The following GPSM1 variants were observed in gnomAD, a reference collection of about 807,000 sequenced individuals.
The protein encoded by GPSM1 is G protein-signaling modulator 1.
Under a neutral mutation model 70.5 loss-of-function variants are expected in GPSM1, and 48 were observed. The ratio of observed to expected loss-of-function variants is 0.68; its 90% confidence interval spans 0.54 to 0.87. The LOEUF (loss-of-function observed/expected upper bound fraction) is 0.87, where lower values mean the gene tolerates loss of function less well. Among genes scored for constraint, GPSM1 ranks in the 40% least tolerant of loss-of-function variants. The pLI is 0.00. For synonymous variants in GPSM1, 416 were observed against 430.1 expected (o/e 0.97, Z 0.41); for missense variants, 981 against 972.6 (o/e 1.01, Z -0.11).
In GPSM1 at chr9:136,358,057, T is replaced by C. The variant is rs555630848; in HGVS notation, c.1865T>C (p.Leu622Pro). Residue 622 changes from leucine to proline, a missense_variant, in exon 14 of 14, where the codon CTG (leucine) becomes CCG (proline). Physicochemically the swap from Leu to Pro is moderately conservative, Grantham distance 98. Transcript: ENST00000440944. ...DDQRCPPPDV[L>P]PRGPTMPDED... ...CAGCGCTGCCCGCCACCTGACGTAC[T>C]GCCCCGGGGCCCTACCATGCCGGAC... is the stretch of plus-strand genomic sequence containing the variant. The C allele has an allele frequency of 8.1e-5, 130 of 1,612,772 alleles. 1 individual carries two copies. The East Asian group carries it at 2.9e-3, about 36-fold the overall frequency.
In GPSM1 at chr9:136,327,993, G is replaced by A. The variant is rs1365005875; in HGVS notation, c.68+230G>A. ...GGGGAAGGGGGTGGGGGGCCGGGGG[G>A]CTGGAGGCGGGGTGGGCAGCTTCTC... On this transcript the variant is annotated intron_variant, in intron 1 of 13. Transcript: ENST00000440944. Among the ~76,000 whole-genome samples the A allele has an allele frequency of 7.2e-5, 11 of 151,810 alleles. No homozygotes were observed. In the East Asian group the frequency reaches 2.0e-3, roughly 27 times the overall value.
At position 136,340,876 on chromosome 9, in the gene GPSM1, G is replaced by A; in HGVS notation, c.1090G>A (p.Asp364Asn). Residue 364 changes from aspartate to asparagine, a missense_variant, in exon 9 of 14, where the codon GAC (aspartate) becomes AAC (asparagine). Physicochemically the swap from Asp to Asn is conservative, Grantham distance 23. Transcript: ENST00000440944. This position sits in a 1 kb window ranked among gnomAD's most constrained non-coding sequence, Gnocchi z 7.3. ...GCCACCCCACTCGCCGCAGATCGGG[G>A]ACCGCCATGGGGAGCTCACGGCCCG... is the stretch of plus-strand genomic sequence containing the variant. ...KHLQISQEIG[D>N]RHGELTARMN... The A allele has an allele frequency of 1.3e-6, 2 of 1,572,602 alleles. No individual in the cohort carries two copies. Among genetic ancestry groups the A allele is most frequent in the South Asian group, 1.2e-5 (1 of 85,890 alleles).
At chr9:136,338,471 C>T (rs935784640) in intron 6 of GPSM1, 84 bp from the exon 7 acceptor site, 67 of 1,335,094 alleles carry the variant, frequency 5.0e-5, no homozygotes, top group Non-Finnish European at 6.5e-5. Context: ...AGGGGACCAT[C>T]GGGCAGACTG....
chr9:136,344,199 C>T (rs1198207558), intron 9 of GPSM1, among the ~76,000 whole-genome samples: 3 of 82,284 alleles, frequency 3.6e-5, no homozygotes, highest in African/African-American at 4.8e-5. Flanking sequence ...GGGGGAGGCG[C>T]GGACAGGAGC....
rs1832831275 is a variant in GPSM1 at position 136,356,501 on chromosome 9, A to G, written c.1772A>G (p.Glu591Gly). 1.9e-6 allele frequency: 3 copies of G among 1,611,512 alleles called. No homozygotes were observed. In the Admixed American group the frequency reaches 5.0e-5, roughly 27 times the overall value. Residue 591 changes from glutamate to glycine, a missense_variant, in exon 13 of 14, where the codon GAG becomes GGG. Transcript: ENST00000440944. ...GCAGGGCACCTCCGAGGCCACGGCG[A>G]GCCCCAGGAGCCGGGGGACGACTTC... is the stretch of plus-strand genomic sequence containing the variant. ...SNAGHLRGHG[E>G]PQEPGDDFFN...
At chr9:136,339,620 G>A in intron 7 of GPSM1, 87 bp from the exon 8 acceptor site, 1 of 921,002 alleles carries the variant, frequency 1.1e-6, no homozygotes, top group East Asian at 2.7e-5. Flanking sequence ...CCAGGGTCAT[G>A]CTGGGGCCGT....
Position 136,340,968 on chromosome 9 carries a change from TG to T in GPSM1, c.1183del (p.Asp395ThrfsTer18). Reference sequence around the variant, plus strand: ...CCAGCCCGGCAGCCTCAGAGAAGCCTGACCTGGCCGGCTATGAGGCCCAGGG... The same window carrying T: ...CCAGCCCGGCAGCCTCAGAGAAGCCTACCTGGCCGGCTATGAGGCCCAGGG... ...LTSPAASEKP[D>X]LAGYEAQGAR... On this transcript the variant is annotated frameshift_variant, in exon 9 of 14. Transcript: ENST00000440944. LOFTEE classifies it high-confidence loss of function. The surrounding 1 kb of genome is among the most constrained non-coding windows in gnomAD (Gnocchi z 7.3). The T allele has an allele frequency of 6.4e-7, 1 of 1,563,764 alleles. No homozygotes were observed. Among genetic ancestry groups the T allele is most frequent in the Non-Finnish European group, 8.7e-7 (1 of 1,154,706 alleles).
chr9:136,336,802 G>A, intron 3 of GPSM1, 119 bp from the exon 4 acceptor site: 1 of 1,010,566 alleles, frequency 9.9e-7, no homozygotes, highest in African/African-American at 1.6e-5. Flanking sequence ...GTGACTCAGT[G>A]GGAGCCCCCA....
chr9:136,344,509 A>AG (rs1395015190), intron 9 of GPSM1, among the ~76,000 whole-genome samples: 1 of 152,156 alleles, frequency 6.6e-6, no homozygotes, highest in Admixed American at 6.5e-5. Context: ...GCGAGGAAGA[A>AG]GGGGGAGCTT....
intron 12 of GPSM1, 149 bp from the exon 13 acceptor site, chr9:136,356,193 C>G (rs1023837554): frequency 4.5e-6 from 3 of 665,894 alleles, no homozygotes; most frequent in Admixed American, 3.1e-5. Context: ...CTGCCTAGGC[C>G]GGTCAGCGGA....
At chr9:136,357,431 G>A (rs1286268279) in intron 13 of GPSM1, among the ~76,000 whole-genome samples, 5 of 152,152 alleles carry the variant, frequency 3.3e-5, no homozygotes, top group South Asian at 2.1e-4. Context: ...GCATGCCTGC[G>A]CCAGCTCCCG....
chr9:136,328,027 C>T (rs1388147747), intron 1 of GPSM1, among the ~76,000 whole-genome samples: 1 of 152,160 alleles, frequency 6.6e-6, no homozygotes, highest in African/African-American at 2.4e-5. Flanking sequence ...TCCAGCCTCA[C>T]TCCCCTGGCA....
In GPSM1 at chr9:136,341,348, C is replaced by T. The variant is rs182200581; in HGVS notation, c.1207+355C>T. ...CAAGTAGGAGAGGGCTGCTGGGAGG[C>T]GAGAGGGCATCAGCCAGAGGGCTGG... On this transcript the variant is annotated intron_variant, in intron 9 of 13. Coordinates refer to ENST00000440944, the MANE Select transcript of GPSM1 (RefSeq NM_001145638.3). This position sits in a 1 kb window ranked among gnomAD's most constrained non-coding sequence, Gnocchi z 6.7. 148 of 1,431,488 alleles carry T rather than the reference C, an allele frequency of 1.0e-4. No homozygotes were observed. The East Asian group carries it at 2.4e-3, about 23-fold the overall frequency. 88.7% of individuals were successfully genotyped at this position (1,431,488 alleles called of 1,614,324 possible). A position where few individuals can be genotyped will look rare whatever the true frequency, so the allele number is the denominator to read the frequency against.
chr9:136,337,714 T>C, intron 5 of GPSM1, 132 bp from the exon 6 acceptor site: 1 of 983,252 alleles, frequency 1.0e-6, no homozygotes, highest in Non-Finnish European at 1.6e-6. Flanking sequence ...CACTTGGTCC[T>C]GCAGCTGCTA....
Position 136,337,919 on chromosome 9 carries a change from A to G in GPSM1, c.776A>G (p.His259Arg), listed in dbSNP as rs201118647. The change falls in exon 6 of 14, where the codon CAC becomes CGC. Residue 259 changes from histidine (H) to arginine (R), a missense_variant. Coordinates refer to ENST00000440944, the MANE Select transcript of GPSM1 (RefSeq NM_001145638.3). ...RRAYSNLGNA[H>R]VFLGRFDVAA... ...GCCTACAGCAACCTGGGGAACGCCC[A>G]CGTCTTCCTGGGGCGCTTTGACGTG... 1.9e-6 allele frequency: 3 copies of G among 1,612,570 alleles called. No homozygotes were observed. The highest frequency in any genetic ancestry group is 1.7e-6 in the Non-Finnish European group (2 of 1,179,752).
rs532502232 is a variant in GPSM1, at chr9:136,359,213, T to C, written c.*993T>C. 430 of 152,522 alleles carry C rather than the reference T, an allele frequency of 2.8e-3. 1 individual carries two copies. The highest frequency in any genetic ancestry group is 4.8e-3 in the Non-Finnish European group (326 of 68,158). The allele number at this position is 152,522 out of a possible 1,614,324, so 9.4% of individuals were successfully genotyped here. On this transcript the variant is annotated 3_prime_UTR_variant, in exon 14 of 14. Coordinates refer to ENST00000440944, the MANE Select transcript of GPSM1 (RefSeq NM_001145638.3). Reference sequence around the variant, plus strand: ...TGGCAGGACCTGCTGGAGCCTGAGATGGGCCCCAGGGGCCTGAGGTTGCCT... The same window carrying C: ...TGGCAGGACCTGCTGGAGCCTGAGACGGGCCCCAGGGGCCTGAGGTTGCCT...
rs548890680 is a variant in GPSM1 at position 136,356,611 on chromosome 9, G to A, written c.1821+61G>A. The A allele has an allele frequency of 6.1e-6, 8 of 1,306,370 alleles. No homozygotes were observed. In the Admixed American group the frequency reaches 1.0e-4, roughly 16 times the overall value. The allele number at this position is 1,306,370 out of a possible 1,614,324, so 80.9% of individuals were successfully genotyped here. On this transcript the variant is annotated intron_variant, in intron 13 of 13. Transcript: ENST00000440944. The stretch of plus-strand genomic sequence containing the variant: ...CCCTTTGCCATCCACGTGTGTGGAG[G>A]CAACTTGTGTCCTGAGGGGTGAGGT...
chr9:136,357,258 G>A (rs556195585), intron 13 of GPSM1, among the ~76,000 whole-genome samples: 70 of 152,306 alleles, frequency 4.6e-4, no homozygotes, highest in African/African-American at 1.6e-3. Context: ...TTGGGAACAG[G>A]CTGGGGGTGG....
chr9:136,336,600 G>A (rs1189351411), intron 3 of GPSM1, among the ~76,000 whole-genome samples: 1 of 152,208 alleles, frequency 6.6e-6, no homozygotes, highest in Non-Finnish European at 1.5e-5. Flanking sequence ...ACAGCTGGAG[G>A]TGACCAAGGG....
Sources: gnomAD v4.1 joint callset for allele counts (sites outside exome capture counted in the v4.1 genomes callset) on GRCh38, gnomAD v4.1.1 for gene constraint, Gnocchi (gnomAD v3.1) non-coding constraint, MANE v1.5 for transcripts, NCBI Gene and HGNC (gene_info 2026-07-23, HGNC 2026-07-21) for gene names.